SYK: variants seen among roughly 807,000 people sequenced by gnomAD.
SYK encodes spleen associated tyrosine kinase.
SYK carries 16 observed loss-of-function variants against 77.8 expected under a neutral mutation model. The observed-to-expected ratio is 0.21, with a 90% CI of 0.14 to 0.31. The LOEUF is 0.31. Ranked by LOEUF, SYK falls within the 10% of genes least tolerant of loss-of-function variation. SYK has a pLI of 1.00. For synonymous variants in SYK, 312 were observed against 308.7 expected (o/e 1.01, Z -0.11); for missense variants, 529 against 814.4 (o/e 0.65, Z 4.26).
chr9:90,823,012 A>G (rs1825568747), intron 1 of SYK, among the ~76,000 whole-genome samples: 1 of 152,212 alleles, frequency 6.6e-6, no homozygotes, highest in African/African-American at 2.4e-5. Flanking sequence ...GGCTTTCTCC[A>G]TGACAATGGT....
At chr9:90,820,679 G>A (rs1825480416) in intron 1 of SYK, among the ~76,000 whole-genome samples, 1 of 152,288 alleles carries the variant, frequency 6.6e-6, no homozygotes, top group Middle Eastern at 3.4e-3. Context: ...TCTGTGATAG[G>A]AGGGACTGCT....
At chr9:90,845,853 T>A (rs1296133590) in intron 3 of SYK, among the ~76,000 whole-genome samples, 1 of 152,204 alleles carries the variant, frequency 6.6e-6, no homozygotes, top group Non-Finnish European at 1.5e-5. Context: ...TTAAAGAAAA[T>A]GTGATTCAGC....
rs540959428 is a variant in SYK, at chr9:90,884,835, A to G, written c.1582-2914A>G. On this transcript the variant is annotated intron_variant, in intron 11 of 13. Transcript: ENST00000375754. Reference sequence around the variant, plus strand: ...CATACACATATACACATATGTGTGTATATACATATACACACATATGTGTGT... The same window carrying G: ...CATACACATATACACATATGTGTGTGTATACATATACACACATATGTGTGT... Among the ~76,000 whole-genome samples, 3 of 82,284 alleles carry G rather than the reference A, an allele frequency of 3.6e-5. 1 individual carries two copies. Among genetic ancestry groups the G allele is most frequent in the African/African-American group, 9.2e-5 (2 of 21,638 alleles). 54.0% of individuals were successfully genotyped at this position (82,284 alleles called of 152,430 possible). A position where few individuals can be genotyped will look rare whatever the true frequency, so the allele number is the denominator to read the frequency against.
chr9:90,825,689 T>G (rs1325919967), intron 1 of SYK, among the ~76,000 whole-genome samples: 1 of 152,152 alleles, frequency 6.6e-6, no homozygotes, highest in Non-Finnish European at 1.5e-5. Context: ...GGGCCACAGC[T>G]TAGAACATGT....
At chr9:90,828,246 C>CCCCG (rs67582715) in intron 1 of SYK, among the ~76,000 whole-genome samples, 1 of 116,284 alleles carries the variant, frequency 8.6e-6, no homozygotes, top group South Asian at 4.2e-4. Context: ...CCCCCCCCCC[C>CCCCG]GCCCCGCCCA....
intron 1 of SYK, among the ~76,000 whole-genome samples, chr9:90,841,458 T>TTG (rs1000784980): frequency 9.4e-5 from 14 of 149,350 alleles, no homozygotes; most frequent in Admixed American, 1.3e-4. Flanking sequence ...TGTATGTAGT[T>TTG]TGTGTGTGTG....
At chr9:90,831,411 A>C (rs1439435833) in intron 1 of SYK, among the ~76,000 whole-genome samples, 1 of 152,250 alleles carries the variant, frequency 6.6e-6, no homozygotes. Flanking sequence ...GTTCAATGCC[A>C]AGCTAGAAAA....
Position 90,897,902 on chromosome 9 carries a change from C to A in SYK, c.*2302C>A. 8.8e-6 allele frequency: 2 copies of A among 226,154 alleles called. 1 individual carries two copies. Among genetic ancestry groups the A allele is most frequent in the Non-Finnish European group, 1.8e-5 (2 of 113,638 alleles). 14.0% of individuals were successfully genotyped at this position (226,154 alleles called of 1,614,324 possible). ...GAATAATTATCCTTTCCCCTGTAGC[C>A]ACCAAGGAGGGCAAATAGAGAAAGG... On this transcript the variant is annotated 3_prime_UTR_variant, in exon 14 of 14. Coordinates refer to ENST00000375754, the MANE Select transcript of SYK (RefSeq NM_003177.7).
At chr9:90,866,817 C>T (rs747724131) in intron 6 of SYK, among the ~76,000 whole-genome samples, 5 of 152,168 alleles carry the variant, frequency 3.3e-5, no homozygotes, top group East Asian at 3.8e-4. Flanking sequence ...TAGTTTCTTT[C>T]GGTGGTTTGT....
intron 9 of SYK, among the ~76,000 whole-genome samples, chr9:90,875,698 G>A (rs1827899295): frequency 6.6e-6 from 1 of 152,012 alleles, no homozygotes; most frequent in Non-Finnish European, 1.5e-5. Context: ...TATGATTTCA[G>A]ATAACAATAC....
intron 1 of SYK, among the ~76,000 whole-genome samples, chr9:90,810,473 G>A (rs1222434070): frequency 1.4e-5 from 2 of 139,944 alleles, no homozygotes; most frequent in Non-Finnish European, 3.1e-5. Flanking sequence ...GGGTTAGGGA[G>A]TTAGGACATC....
intron 11 of SYK, among the ~76,000 whole-genome samples, chr9:90,885,008 A>G (rs1172046504): frequency 6.7e-6 from 1 of 149,276 alleles, no homozygotes; most frequent in Non-Finnish European, 1.5e-5. Flanking sequence ...AACAACATAT[A>G]TATATTTTCA....
At chr9:90,838,307 C>G (rs763692911) in intron 1 of SYK, among the ~76,000 whole-genome samples, 35 of 152,182 alleles carry the variant, frequency 2.3e-4, no homozygotes, top group Non-Finnish European at 4.6e-4. Flanking sequence ...AGAGCTGGCC[C>G]TCTGGTGGGA....
At chr9:90,870,592 C>T (rs1827691490) in intron 7 of SYK, among the ~76,000 whole-genome samples, 1 of 152,122 alleles carries the variant, frequency 6.6e-6, no homozygotes, top group Non-Finnish European at 1.5e-5. Flanking sequence ...TATAAAGGAA[C>T]AGATTTTAGA....
At chr9:90,809,893 G>A (rs769028081) in intron 1 of SYK, among the ~76,000 whole-genome samples, 6 of 152,088 alleles carry the variant, frequency 3.9e-5, no homozygotes, top group Admixed American at 1.3e-4. Context: ...TCTCAGACCC[G>A]TTTCCCTCCT....
intron 11 of SYK, 50 bp from the exon 12 acceptor site, chr9:90,887,699 G>T (rs201715593): frequency 1.3e-6 from 2 of 1,552,020 alleles, no homozygotes; most frequent in Admixed American, 1.8e-5. Flanking sequence ...CAATGTGCCC[G>T]GCCCACAATT....
At chr9:90,836,516 C>T (rs1011519951) in intron 1 of SYK, among the ~76,000 whole-genome samples, 1 of 152,212 alleles carries the variant, frequency 6.6e-6, no homozygotes, top group Non-Finnish European at 1.5e-5. Flanking sequence ...AACTGCAGTA[C>T]ACACTGTACT....
intron 3 of SYK, among the ~76,000 whole-genome samples, chr9:90,850,237 G>A (rs952718634): frequency 2.6e-5 from 4 of 152,194 alleles, no homozygotes; most frequent in Non-Finnish European, 5.9e-5. Flanking sequence ...TAATTATTTC[G>A]GCCGGGCATG....
At chr9:90,884,143 A>ATATG (rs1554714307) in intron 11 of SYK, among the ~76,000 whole-genome samples, 1 of 111,928 alleles carries the variant, frequency 8.9e-6, no homozygotes, top group Non-Finnish European at 1.9e-5. Context: ...ACATATATAT[A>ATATG]TGTGTGTGTG....
Sources: allele counts gnomAD v4.1 joint callset (sites outside exome capture counted in the v4.1 genomes callset), GRCh38; gene constraint gnomAD v4.1.1; transcripts MANE v1.5; gene names NCBI Gene and HGNC (gene_info 2026-07-23, HGNC 2026-07-21).